BRAF: variants seen among roughly 807,000 people sequenced by gnomAD.
BRAF encodes the protein B-Raf proto-oncogene, serine/threonine kinase.
Under a neutral mutation model 104.6 loss-of-function variants are expected in BRAF, and 16 were observed. The ratio of observed to expected loss-of-function variants is 0.15; its 90% CI spans 0.10 to 0.23. The LOEUF is 0.23. Ranked by LOEUF, BRAF falls within the 10% of genes least tolerant of loss-of-function variation. The probability of loss-of-function intolerance (pLI) is 1.00; values close to 1 mark genes in which losing one functional copy is unlikely to be tolerated. For missense variants in BRAF, 541 were observed against 937.3 expected, an observed-to-expected ratio of 0.58 and a Z score of 5.52; for synonymous variants, 310 against 341.6, an observed-to-expected ratio of 0.91 and a Z score of 1.02.
intron 2 of BRAF, among the ~76,000 whole-genome samples, chr7:140,838,373 C>G (rs1807573260): frequency 1.3e-5 from 2 of 151,940 alleles, no homozygotes; most frequent in Admixed American, 1.3e-4. Context: ...AGCAAAAATC[C>G]AATAAATATT....
rs1268484310 is a variant in BRAF at position 140,800,921 on chromosome 7, C to A, written c.861-440G>T. On this transcript the variant is annotated intron_variant, in intron 6 of 19. Coordinates refer to ENST00000644969, the MANE Select transcript of BRAF (RefSeq NM_001374258.1). The stretch of plus-strand genomic sequence containing the variant: ...CTAATCTATTAGAAAAACTGGCATA[C>A]AGCAAAGAGAAATTTTAGAAAGAGA... The A allele has an allele frequency of 6.2e-5, 15 of 242,050 alleles. 2 individuals are homozygous for A. In the South Asian group the frequency reaches 7.8e-4, roughly 13 times the overall value. The allele number at this position is 242,050 out of a possible 1,614,324, so 15.0% of individuals were successfully genotyped here. A position where few individuals can be genotyped will look rare whatever the true frequency, so the allele number is the denominator to read the frequency against.
intron 14 of BRAF, among the ~76,000 whole-genome samples, chr7:140,762,470 A>G (rs998035132): frequency 1.3e-5 from 2 of 152,198 alleles, no homozygotes; most frequent in Admixed American, 6.5e-5. Context: ...TAACATCACA[A>G]TTAAAAGAAC....
At chr7:140,889,858 G>C (rs1056983748) in intron 1 of BRAF, among the ~76,000 whole-genome samples, 1 of 152,196 alleles carries the variant, frequency 6.6e-6, no homozygotes, top group Admixed American at 6.5e-5. Flanking sequence ...TAGGAAGCGA[G>C]GGGGTTGGGG....
chr7:140,718,897 G>A (rs528112730), downstream of BRAF, among the ~76,000 whole-genome samples: 16 of 152,334 alleles, frequency 1.1e-4, no homozygotes, highest in South Asian at 1.7e-3. Flanking sequence ...TCAAGTAAAT[G>A]TTAGCGTGCG....
intron 3 of BRAF, among the ~76,000 whole-genome samples, chr7:140,829,331 T>A (rs989009370): frequency 6.6e-6 from 1 of 150,448 alleles, no homozygotes; most frequent in African/African-American, 2.5e-5. Flanking sequence ...AGATTTTTCT[T>A]GAAAGATTTA....
chr7:140,916,113 C>A lies in BRAF; in HGVS notation c.138+8453G>T, dbSNP rs62485375. ...CAGTTTCTACCTTCGCAATTGTCAC[C>A]TGACCCTCTACTAGTCAGGTATTCC... On this transcript the variant is annotated intron_variant, in intron 1 of 19. Coordinates refer to ENST00000644969, the MANE Select transcript of BRAF (RefSeq NM_001374258.1). 7.7e-3 allele frequency among the ~76,000 whole-genome samples: 1,179 copies of A among 152,298 alleles called. 9 individuals carry two copies. Among genetic ancestry groups the A allele is most frequent in the Non-Finnish European group, 0.014 (923 of 68,020 alleles).
chr7:140,762,611 T>G (rs1478646514), intron 14 of BRAF, among the ~76,000 whole-genome samples: 52 of 138,610 alleles, frequency 3.8e-4, no homozygotes, highest in Admixed American at 3.6e-3. Context: ...CTGTTTTTTT[T>G]TTTTTTTTTT....
At chr7:140,904,297 C>G (rs62485369) in intron 1 of BRAF, among the ~76,000 whole-genome samples, 22,907 of 152,150 alleles carry the variant, frequency 0.15, 2,808 homozygotes, top group African/African-American at 0.34. Context: ...GCAAGACCAT[C>G]CACAGCAAAA....
At chr7:140,877,298 G>GA (rs1487930634) in intron 1 of BRAF, among the ~76,000 whole-genome samples, 1 of 111,998 alleles carries the variant, frequency 8.9e-6, no homozygotes, top group African/African-American at 3.2e-5. Flanking sequence ...AGAGATGGGG[G>GA]GGGGGGTGGG....
intron 1 of BRAF, among the ~76,000 whole-genome samples, chr7:140,872,071 C>T (rs1047324717): frequency 3.9e-5 from 6 of 152,018 alleles, no homozygotes; most frequent in African/African-American, 1.2e-4. Context: ...CAAAATTAGC[C>T]GGTTGTGGTG....
At position 140,782,046 on chromosome 7, in the gene BRAF, C is replaced by G. The variant is rs573351821; in HGVS notation, c.1435-353G>C. On this transcript the variant is annotated intron_variant, in intron 11 of 19. Transcript: ENST00000644969. ...TTTACATTAGGTATTTCTCTTAATGCTGTCCCTCTCCCCTCCCCCTACCCC... is the reference window on the plus strand; with the variant it reads ...TTTACATTAGGTATTTCTCTTAATGGTGTCCCTCTCCCCTCCCCCTACCCC... Among the ~76,000 whole-genome samples the G allele has an allele frequency of 3.9e-5, 6 of 152,112 alleles. No homozygotes were observed. In the East Asian group the frequency reaches 1.2e-3, roughly 29 times the overall value.
In BRAF at chr7:140,881,856, C is replaced by T. The variant is rs566957606; in HGVS notation, c.139-31644G>A. 7.2e-5 allele frequency among the ~76,000 whole-genome samples: 11 copies of T among 152,252 alleles called. 1 individual carries two copies. Among genetic ancestry groups the T allele is most frequent in the African/African-American group, 2.6e-4 (11 of 41,564 alleles). On this transcript the variant is annotated intron_variant, in intron 1 of 19. Transcript: ENST00000644969. The stretch of plus-strand genomic sequence containing the variant: ...GTCAGTGGAGCAGTTAGATCACACA[C>T]AATATTTACTGATTAAGTTCACTGC...
chr7:140,770,421 T>C (rs1170960328), intron 14 of BRAF, among the ~76,000 whole-genome samples: 1 of 151,344 alleles, frequency 6.6e-6, no homozygotes, highest in African/African-American at 2.4e-5. Context: ...TCTGTAAATA[T>C]ATCGATAGGC....
intron 2 of BRAF, 73 bp from the exon 3 acceptor site, chr7:140,834,945 A>G: frequency 6.4e-7 from 1 of 1,568,774 alleles, no homozygotes; most frequent in East Asian, 2.2e-5. Context: ...ATAAAATTTT[A>G]GCCTTTGATT....
chr7:140,818,350 T>C (rs1318880869), intron 3 of BRAF, among the ~76,000 whole-genome samples: 1 of 151,844 alleles, frequency 6.6e-6, no homozygotes, highest in Non-Finnish European at 1.5e-5. Flanking sequence ...TCTTGCTCTG[T>C]TGCCCAGCCT....
chr7:140,738,827 G>A (rs113503567), intron 18 of BRAF, among the ~76,000 whole-genome samples: 3 of 152,182 alleles, frequency 2.0e-5, no homozygotes, highest in African/African-American at 4.8e-5. Flanking sequence ...TGTTGGCCAG[G>A]CTGGTCTCGA....
In BRAF at chr7:140,739,874, T is replaced by C. The variant is rs1028549781; in HGVS notation, c.2185A>G (p.Met729Val). ...AGGCACTCTGCCATTAATCTCTTCATGGCTTTTGGACAGTTACTCCGTACC... is the reference window on the plus strand; with the variant it reads ...AGGCACTCTGCCATTAATCTCTTCACGGCTTTTGGACAGTTACTCCGTACC... ...SKVRSNCPKA[M>V]KRLMAECLKK... The change falls in exon 18 of 20, where the codon ATG (methionine) becomes GTG (valine). Residue 729 changes from methionine to valine, a missense_variant. Met to Val is a conservative substitution (Grantham distance 21, BLOSUM62 1). Transcript: ENST00000644969. 3 of 1,613,520 alleles carry C rather than the reference T, an allele frequency of 1.9e-6. No individual in the cohort carries two copies. Among genetic ancestry groups the C allele is most frequent in the African/African-American group, 2.7e-5 (2 of 74,926 alleles).
intron 19 of BRAF, chr7:140,731,811 C>T (rs1015835947): frequency 1.3e-5 from 2 of 152,150 alleles, no homozygotes; most frequent in Non-Finnish European, 2.9e-5. Flanking sequence ...TTTTCCTCAT[C>T]ATTGATTAGT....
intron 9 of BRAF, among the ~76,000 whole-genome samples, chr7:140,787,157 C>T (rs1311339526): frequency 2.0e-5 from 3 of 151,720 alleles, no homozygotes; most frequent in Admixed American, 6.6e-5. Context: ...AAAAATTAGC[C>T]GGGCGTGGTA....
Sources: gnomAD v4.1 joint callset for allele counts (sites outside exome capture counted in the v4.1 genomes callset) on GRCh38, gnomAD v4.1.1 for gene constraint, MANE v1.5 for transcripts, NCBI Gene and HGNC (gene_info 2026-07-23, HGNC 2026-07-21) for gene names.